The following MUC4 variants were observed in gnomAD, a reference collection of about 807,000 sequenced individuals.
MUC4 encodes the protein mucin 4, cell surface associated.
MUC4 carries 202 observed loss-of-function variants against 257.9 expected under a neutral mutation model. The ratio of observed to expected loss-of-function variants is 0.78; its 90% confidence interval spans 0.70 to 0.88. The LOEUF (loss-of-function observed/expected upper bound fraction) is 0.88, where lower values mean the gene tolerates loss of function less well. MUC4 is among the 40% of genes least tolerant of loss of function. The pLI, the probability that MUC4 is intolerant of heterozygous loss-of-function variation, is 0.00. For synonymous variants in MUC4, 2,351 were observed against 2,757.1 expected, an observed-to-expected ratio of 0.85 and a Z score of 4.62; for missense variants, 5,976 against 6,513.7, an observed-to-expected ratio of 0.92 and a Z score of 2.84.
chr3:195,806,411 C>T (rs1238730734), intron 1 of MUC4, among the ~76,000 whole-genome samples: 3 of 152,202 alleles, frequency 2.0e-5, no homozygotes, highest in African/African-American at 2.4e-5. Flanking sequence ...CTCAGCACAC[C>T]CTGTACTTTT....
At chr3:195,807,655 G>C (rs1736150733) in intron 1 of MUC4, among the ~76,000 whole-genome samples, 1 of 152,178 alleles carries the variant, frequency 6.6e-6, no homozygotes, top group Non-Finnish European at 1.5e-5. Context: ...GCTGAAACTA[G>C]GGGGAGAGAG....
In MUC4 at chr3:195,781,534, T is replaced by G; in HGVS notation, c.10046A>C (p.Asp3349Ala). ...GTGACCTGTGGATACTGAGGAAGTG[T>G]CGGTGACAGGCACAGGGGTGGTGTC... is the stretch of plus-strand genomic sequence containing the variant. ...TGDTTPVPVT[D>A]TSSVSTGHAT... Residue 3349 changes from aspartate to alanine, a missense_variant, in exon 2 of 25, where the codon GAC becomes GCC. Coordinates refer to ENST00000463781, the MANE Select transcript of MUC4 (RefSeq NM_018406.7). 6.9e-7 allele frequency: 1 copy of G among 1,452,490 alleles called. No homozygotes were observed. Among genetic ancestry groups the G allele is most frequent in the Non-Finnish European group, 9.2e-7 (1 of 1,084,768 alleles). 90.0% of individuals were successfully genotyped at this position (1,452,490 alleles called of 1,614,324 possible).
chr3:195,811,644 CT>C, intron 1 of MUC4, 91 bp downstream of exon 1: 1 of 1,102,074 alleles, frequency 9.1e-7, no homozygotes, highest in Non-Finnish European at 1.4e-6. Flanking sequence ...CTCTCTCTCT[CT>C]CTCTGTCTCC....
chr3:195,788,721 CTCGGTTTGTGGAGATGTAAGCCCAG>C lies in MUC4; in HGVS notation c.2834_2858del (p.Thr945ArgfsTer283). ...ACCCTGAAGGTGACAGAGTGTGGGT[CTCGGTTTGTGGAGATGTAAGCCCAG>C]TGGATGTGATCGATGGAGGTGTGGG... On this transcript the variant is annotated frameshift_variant, in exon 2 of 25. Coordinates refer to ENST00000463781, the MANE Select transcript of MUC4 (RefSeq NM_018406.7). LOFTEE classifies it high-confidence loss of function. 1.2e-6 allele frequency: 2 copies of C among 1,613,100 alleles called. No homozygotes were observed. Among genetic ancestry groups the C allele is most frequent in the Non-Finnish European group, 1.7e-6 (2 of 1,179,764 alleles).
Position 195,763,622 on chromosome 3 carries a change from G to C in MUC4, c.14064C>G (p.Pro4688=). ...TGACACCATCCAAGGTGGTGATGTG[G>C]GGGTCCCCGAACATCCAGGCTGGAA... ...PPQPAWMFGD[P]HITTLDGVSY... The change falls in exon 12 of 25, where the codon CCC becomes CCG. Residue 4688 remains proline, a synonymous_variant. Transcript: ENST00000463781. The C allele has an allele frequency of 1.3e-6, 2 of 1,545,982 alleles. No individual in the cohort carries two copies. The highest frequency in any genetic ancestry group is 2.4e-5 in the South Asian group (2 of 83,182).
intron 19 of MUC4, 68 bp from the exon 20 acceptor site, chr3:195,753,298 A>C: frequency 6.7e-7 from 1 of 1,499,958 alleles, no homozygotes; most frequent in Non-Finnish European, 9.2e-7. Context: ...GCCCGTGGAA[A>C]CCCGCTCCGG....
At chr3:195,756,728 T>C (rs1174196176) in intron 18 of MUC4, among the ~76,000 whole-genome samples, 1 of 151,714 alleles carries the variant, frequency 6.6e-6, no homozygotes, top group Non-Finnish European at 1.5e-5. Context: ...AATGGCGCAA[T>C]CTTGGCTCAC....
chr3:195,760,649 C>T (rs1362332056), intron 16 of MUC4, among the ~76,000 whole-genome samples: 4 of 132,100 alleles, frequency 3.0e-5, no homozygotes, highest in Non-Finnish European at 6.0e-5. Flanking sequence ...ACGGAGGGGG[C>T]TGGGAAGGCG....
chr3:195,771,365 G>A (rs939811110), intron 5 of MUC4, among the ~76,000 whole-genome samples: 2 of 149,766 alleles, frequency 1.3e-5, no homozygotes. Context: ...GGTCAGTCTC[G>A]TGGTTGGGTT....
Position 195,778,772 on chromosome 3 carries a change from G to A in MUC4, c.12790+18C>T, listed in dbSNP as rs765107194. On this transcript the variant is annotated intron_variant, in intron 2 of 24. Transcript: ENST00000463781. Reference sequence around the variant, plus strand: ...GGGGCCCACTGGGAGACATAAAGGCGAGGCAGTTGGCAGCTACCTGGTGTT... The same window carrying A: ...GGGGCCCACTGGGAGACATAAAGGCAAGGCAGTTGGCAGCTACCTGGTGTT... 8.8e-6 allele frequency: 14 copies of A among 1,597,224 alleles called. No homozygotes were observed. Among genetic ancestry groups the A allele is most frequent in the African/African-American group, 1.3e-5 (1 of 74,720 alleles).
At position 195,746,787 on chromosome 3, in the gene MUC4, A is replaced by G. The variant is rs1248424617; in HGVS notation, c.*389T>C. 2.9e-5 allele frequency: 6 copies of G among 203,632 alleles called. No individual in the cohort carries two copies. Among genetic ancestry groups the G allele is most frequent in the Admixed American group, 1.2e-4 (2 of 16,374 alleles). 12.6% of individuals were successfully genotyped at this position (203,632 alleles called of 1,614,324 possible). A position where few individuals can be genotyped will look rare whatever the true frequency, so the allele number is the denominator to read the frequency against. ...TGGTTTTGGAGACACAAAAAGTCAG[A>G]GAGACTTTATTTAAATAGAGTTAAT... On this transcript the variant is annotated 3_prime_UTR_variant, in exon 25 of 25. Coordinates refer to ENST00000463781, the MANE Select transcript of MUC4 (RefSeq NM_018406.7).
At position 195,767,913 on chromosome 3, in the gene MUC4, T is replaced by TGCCAC. The variant is rs1560266554; in HGVS notation, c.13529+1108_13529+1109insGTGGC. ...ACCACCACCATCACCACCATCACCA[T>TGCCAC]CGCCACTGCCACCTCCACCGCCACT... On this transcript the variant is annotated intron_variant, in intron 7 of 24. Transcript: ENST00000463781. Among the ~76,000 whole-genome samples, 686 of 110,398 alleles carry TGCCAC rather than the reference T, an allele frequency of 6.2e-3. 32 individuals carry two copies. Among genetic ancestry groups the TGCCAC allele is most frequent in the African/African-American group, 0.025 (653 of 25,952 alleles). 72.4% of individuals were successfully genotyped at this position (110,398 alleles called of 152,430 possible).
chr3:195,778,692 AG>A, intron 2 of MUC4, 97 bp downstream of exon 2: 1 of 1,386,086 alleles, frequency 7.2e-7, no homozygotes, highest in South Asian at 1.4e-5. Context: ...CGGCCCCACC[AG>A]GTAATGCGAA....
Position 195,778,158 on chromosome 3 carries a change from C to A in MUC4, c.12943+145G>T, listed in dbSNP as rs920082915. The A allele has an allele frequency of 3.5e-6, 4 of 1,130,096 alleles. No homozygotes were observed. The East Asian group carries it at 1.1e-4, about 32-fold the overall frequency. The allele number at this position is 1,130,096 out of a possible 1,614,324, so 70.0% of individuals were successfully genotyped here. On this transcript the variant is annotated intron_variant, in intron 3 of 24. Transcript: ENST00000463781. ...CCCAGTGCCATGCACAAAGCCAGCC[C>A]TCAGGAGCGACTCCGATGCTGTGTC...
At chr3:195,754,729 T>C (rs1479678930) in intron 18 of MUC4, among the ~76,000 whole-genome samples, 1 of 151,146 alleles carries the variant, frequency 6.6e-6, no homozygotes, top group Non-Finnish European at 1.5e-5. Flanking sequence ...AATGAATGAA[T>C]GTATCCATGT....
chr3:195,771,628 A>ACTGC (rs757447883), intron 5 of MUC4, 24 bp downstream of exon 5: 1 of 1,603,688 alleles, frequency 6.2e-7, no homozygotes, highest in South Asian at 1.1e-5. Flanking sequence ...GGGGATCCTG[A>ACTGC]CTGCCAGGCT....
In MUC4 at chr3:195,767,694, C is replaced by A. The variant is rs1560263541; in HGVS notation, c.13530-943G>T. On this transcript the variant is annotated intron_variant, in intron 7 of 24. Coordinates refer to ENST00000463781, the MANE Select transcript of MUC4 (RefSeq NM_018406.7). ...CCATCACCACCATCACTGGCCACCC[C>A]CCAAAAAATACCACCATCGGCCACC... Among the ~76,000 whole-genome samples, 13 of 1,756 alleles carry A rather than the reference C, an allele frequency of 7.4e-3. 3 individuals carry two copies. The highest frequency in any genetic ancestry group is 0.012 in the Admixed American group (3 of 250). 1.2% of individuals were successfully genotyped at this position (1,756 alleles called of 152,430 possible).
In MUC4 at chr3:195,751,245, G is replaced by A; in HGVS notation, c.15609C>T (p.Asp5203=). ...GGCTGTTGCGGAGAAAGGCCCGCAT[G>A]TCCAGGGTCCCCAGTCTGTATGCCA... ...ASVAYRLGTL[D]MRAFLRNSQV... The change falls in exon 22 of 25, where the codon GAC becomes GAT. Residue 5203 remains aspartate (D), a synonymous_variant. Coordinates refer to ENST00000463781, the MANE Select transcript of MUC4 (RefSeq NM_018406.7). The A allele has an allele frequency of 6.2e-7, 1 of 1,607,582 alleles. No individual in the cohort carries two copies. Among genetic ancestry groups the A allele is most frequent in the Non-Finnish European group, 8.5e-7 (1 of 1,177,438 alleles).
chr3:195,757,336 G>C lies in MUC4; in HGVS notation c.14987-8C>G, dbSNP rs574035882. On this transcript the variant is annotated splice_region_variant and splice_polypyrimidine_tract_variant and intron_variant, in intron 17 of 24. Coordinates refer to ENST00000463781, the MANE Select transcript of MUC4 (RefSeq NM_018406.7). The surrounding 1 kb of genome is among the most constrained non-coding windows in gnomAD (Gnocchi z 4.8). ...ACAGCAACGTCCCATTCTCTGCCCC[G>C]GGGAAGATGAGAATGTTGAGAGCTG... 1 of 1,584,486 alleles carries C rather than the reference G, an allele frequency of 6.3e-7. No homozygotes were observed. The highest frequency in any genetic ancestry group is 8.6e-7 in the Non-Finnish European group (1 of 1,156,610).
Sources: gnomAD v4.1 joint callset for allele counts (sites outside exome capture counted in the v4.1 genomes callset) on GRCh38, gnomAD v4.1.1 for gene constraint, Gnocchi (gnomAD v3.1) non-coding constraint, MANE v1.5 for transcripts, NCBI Gene and HGNC (gene_info 2026-07-23, HGNC 2026-07-21) for gene names.